The following OLFM3 variants were observed in gnomAD, a reference collection of about 807,000 sequenced individuals.
OLFM3 encodes the protein olfactomedin 3.
OLFM3 carries 20 observed loss-of-function variants against 48.6 expected under a neutral mutation model. The observed-to-expected ratio is 0.41, with a 90% CI of 0.29 to 0.60. OLFM3 has a LOEUF of 0.60. Ranked by LOEUF, OLFM3 falls within the 20% of genes least tolerant of loss-of-function variation. The probability of loss-of-function intolerance (pLI) is 0.28; values close to 1 mark genes in which losing one functional copy is unlikely to be tolerated. For synonymous variants in OLFM3, 222 were observed against 198.1 expected (o/e 1.12, Z -1.01); for missense variants, 437 against 544.3 (o/e 0.80, Z 1.96).
intron 1 of OLFM3, among the ~76,000 whole-genome samples, chr1:101,868,153 A>C (rs1202346103): frequency 2.0e-5 from 3 of 152,178 alleles, no homozygotes; most frequent in Non-Finnish European, 4.4e-5. Context: ...GGACTAATAC[A>C]ATAAATTGGT....
chr1:101,916,760 T>C (rs1473121903), intron 1 of OLFM3, among the ~76,000 whole-genome samples: 1 of 151,970 alleles, frequency 6.6e-6, no homozygotes, highest in Non-Finnish European at 1.5e-5. Context: ...TGTCAAAGAG[T>C]TTTTGTGATT....
chr1:101,871,730 T>C (rs1256100466), intron 1 of OLFM3, among the ~76,000 whole-genome samples: 5 of 152,096 alleles, frequency 3.3e-5, no homozygotes, highest in Admixed American at 1.3e-4. Flanking sequence ...TTTGATACCA[T>C]ATAAATATGA....
chr1:101,853,566 T>C (rs1332889313), intron 1 of OLFM3, among the ~76,000 whole-genome samples: 3 of 152,088 alleles, frequency 2.0e-5, no homozygotes, highest in African/African-American at 7.2e-5. Context: ...GGGGTATTCT[T>C]AGCCTAGAAG....
At chr1:101,933,201 CAAAAAAAAAAA>C (rs761881274) in intron 1 of OLFM3, among the ~76,000 whole-genome samples, 7 of 40,124 alleles carry the variant, frequency 1.7e-4, no homozygotes, top group East Asian at 7.8e-4. Context: ...GACTCCATCT[CAAAAAAAAAAA>C]AAAAAAAAAA....
intron 1 of OLFM3, among the ~76,000 whole-genome samples, chr1:101,944,488 C>A (rs1659893923): frequency 6.6e-6 from 1 of 152,174 alleles, no homozygotes; most frequent in South Asian, 2.1e-4. Context: ...CATTCCTAAC[C>A]TAGATATGGA....
intron 1 of OLFM3, among the ~76,000 whole-genome samples, chr1:101,875,473 T>G (rs1657261190): frequency 6.6e-6 from 1 of 152,018 alleles, no homozygotes; most frequent in Admixed American, 6.6e-5. Context: ...TGTGCATGTC[T>G]GTGGAATAGA....
chr1:101,895,441 ACACACACT>A (rs1320377480), intron 1 of OLFM3, among the ~76,000 whole-genome samples: 2 of 151,730 alleles, frequency 1.3e-5, no homozygotes, highest in South Asian at 2.1e-4. Flanking sequence ...ACACACACAC[ACACACACT>A]CACTCACATT....
At chr1:101,910,575 A>G (rs982424118) in intron 1 of OLFM3, among the ~76,000 whole-genome samples, 1 of 152,222 alleles carries the variant, frequency 6.6e-6, no homozygotes, top group African/African-American at 2.4e-5. Context: ...ACTGAAAAAT[A>G]TATGCGGTAT....
chr1:101,937,450 GC>G (rs1171055748), intron 1 of OLFM3, among the ~76,000 whole-genome samples: 1 of 152,166 alleles, frequency 6.6e-6, no homozygotes, highest in Non-Finnish European at 1.5e-5. Context: ...TTGTGGGAGG[GC>G]CCCGGTGGGA....
chr1:101,857,334 T>C (rs1403939871), intron 1 of OLFM3, among the ~76,000 whole-genome samples: 1 of 151,944 alleles, frequency 6.6e-6, no homozygotes, highest in African/African-American at 2.4e-5. Context: ...TTGGAGAACC[T>C]TGCATTATCA....
intron 1 of OLFM3, among the ~76,000 whole-genome samples, chr1:101,968,345 C>A (rs924290121): frequency 2.0e-5 from 3 of 152,154 alleles, no homozygotes; most frequent in African/African-American, 7.2e-5. Flanking sequence ...ATTTCCAAGT[C>A]AGAGAAGATA....
intron 1 of OLFM3, among the ~76,000 whole-genome samples, chr1:101,971,189 T>C (rs1660794729): frequency 6.6e-6 from 1 of 152,186 alleles, no homozygotes; most frequent in Non-Finnish European, 1.5e-5. Context: ...ATTGTTCTGG[T>C]CTGGTGAGAG....
chr1:101,948,452 TGAGA>T (rs141817550), intron 1 of OLFM3, among the ~76,000 whole-genome samples: 2,866 of 149,954 alleles, frequency 0.019, 104 homozygotes, highest in African/African-American at 0.066. Context: ...AAGACTTGTA[TGAGA>T]GAGAGAGAGA....
At chr1:101,903,991 G>A (rs17472807) in intron 1 of OLFM3, among the ~76,000 whole-genome samples, 27,439 of 151,908 alleles carry the variant, frequency 0.18, 3,153 homozygotes, top group Non-Finnish European at 0.27. Flanking sequence ...TTTATTCAGA[G>A]TGCTTTGGAT....
At chr1:101,911,948 T>C (rs1658772842) in intron 1 of OLFM3, among the ~76,000 whole-genome samples, 1 of 152,224 alleles carries the variant, frequency 6.6e-6, no homozygotes, top group African/African-American at 2.4e-5. Context: ...TTCAAGTTGC[T>C]TTGTTATTTT....
At chr1:101,847,039 G>A (rs1482850757) in intron 1 of OLFM3, 2 of 1,546,272 alleles carry the variant, frequency 1.3e-6, no homozygotes, top group African/African-American at 1.4e-5. Flanking sequence ...GGCAGCGGGA[G>A]GCGTGACTGC....
chr1:101,955,188 G>A (rs1272495975), intron 1 of OLFM3, among the ~76,000 whole-genome samples: 1 of 151,970 alleles, frequency 6.6e-6, no homozygotes, highest in African/African-American at 2.4e-5. Context: ...GGAAAAAGAA[G>A]TAATTGGATT....
At chr1:101,881,653 G>GA (rs895960902) in intron 1 of OLFM3, among the ~76,000 whole-genome samples, 3 of 151,418 alleles carry the variant, frequency 2.0e-5, no homozygotes, top group African/African-American at 7.3e-5. Flanking sequence ...CCTTCTTTTG[G>GA]AAAAAAACCT....
intron 1 of OLFM3, among the ~76,000 whole-genome samples, chr1:101,985,797 A>G (rs1661218002): frequency 1.3e-5 from 2 of 152,050 alleles, no homozygotes; most frequent in African/African-American, 4.8e-5. Flanking sequence ...TTTGTACTTA[A>G]TTTTGTGTGT....
Sources: allele counts gnomAD v4.1 joint callset (sites outside exome capture counted in the v4.1 genomes callset), GRCh38; gene constraint gnomAD v4.1.1; transcripts MANE v1.5; gene names NCBI Gene and HGNC (gene_info 2026-07-23, HGNC 2026-07-21).